The following CTTNBP2NL variants were observed in gnomAD, a reference collection of about 807,000 sequenced individuals.
The protein encoded by CTTNBP2NL is CTTNBP2 N-terminal-like protein.
In CTTNBP2NL, 16 loss-of-function variants were observed where a neutral mutation model predicts 32.5. That is an observed-to-expected ratio of 0.49 (90% CI 0.33 to 0.75). CTTNBP2NL has a LOEUF of 0.75. CTTNBP2NL is among the 30% of genes least tolerant of loss of function. CTTNBP2NL has a pLI of 0.02. For missense variants in CTTNBP2NL, 645 were observed against 756.0 expected, an observed-to-expected ratio of 0.85 and a Z score of 1.72; for synonymous variants, 298 against 289.4, an observed-to-expected ratio of 1.03 and a Z score of -0.30.
intron 3 of CTTNBP2NL, among the ~76,000 whole-genome samples, chr1:112,438,304 C>T (rs746046370): frequency 1.1e-4 from 17 of 151,942 alleles, no homozygotes; most frequent in Non-Finnish European, 1.9e-4. Context: ...CTATGTGTGG[C>T]GACTGTGAAT....
rs780245309 is a variant in CTTNBP2NL, at chr1:112,456,324, G to A, written c.832G>A (p.Glu278Lys). Residue 278 changes from glutamate (E) to lysine (K), a missense_variant, in exon 6 of 6, where the codon GAG (glutamate) becomes AAG (lysine). Coordinates refer to ENST00000271277, the MANE Select transcript of CTTNBP2NL (RefSeq NM_018704.3). ...TTTAAAGAAGATAGTGAAGGACCTA[G>A]AGGCTTCCCACCAGCACAGTAGCCC... ...ESLKKIVKDLEASHQHSSPNE... is the reference protein window; with the variant it reads ...ESLKKIVKDLKASHQHSSPNE... 5.9e-5 allele frequency: 95 copies of A among 1,613,894 alleles called. No homozygotes were observed. The Admixed American group carries it at 8.2e-4, about 14-fold the overall frequency.
intron 3 of CTTNBP2NL, among the ~76,000 whole-genome samples, chr1:112,421,990 G>A (rs1759684): frequency 0.64 from 97,648 of 151,852 alleles, 31,666 homozygotes; most frequent in South Asian, 0.71. Flanking sequence ...AGTATAATTG[G>A]CATGATAAAC....
intron 3 of CTTNBP2NL, among the ~76,000 whole-genome samples, chr1:112,425,237 G>A (rs1029108285): frequency 2.0e-5 from 3 of 152,092 alleles, no homozygotes; most frequent in African/African-American, 7.2e-5. Flanking sequence ...TTGGGAGGCT[G>A]AGGCAGGCAG....
chr1:112,459,942 T>C lies in CTTNBP2NL; in HGVS notation c.*2530T>C, dbSNP rs2101039797. 1 of 152,318 alleles carries C rather than the reference T, an allele frequency of 6.6e-6. No homozygotes were observed. Among genetic ancestry groups the C allele is most frequent in the Non-Finnish European group, 1.5e-5 (1 of 68,028 alleles). 9.4% of individuals were successfully genotyped at this position (152,318 alleles called of 1,614,324 possible). ...TGTGTATTTTTGCTAGTTGCCTACC[T>C]TCTGAGATAAATAAGCACAATCTTG... On this transcript the variant is annotated 3_prime_UTR_variant, in exon 6 of 6. Coordinates refer to ENST00000271277, the MANE Select transcript of CTTNBP2NL (RefSeq NM_018704.3).
intron 2 of CTTNBP2NL, chr1:112,415,937 TGTGA>T (rs1649046551): frequency 2.3e-6 from 1 of 437,164 alleles, no homozygotes; most frequent in African/African-American, 2.1e-5. Context: ...AATTGATCTT[TGTGA>T]GTGGTAGTGA....
chr1:112,436,747 G>T (rs1649744122), intron 3 of CTTNBP2NL, among the ~76,000 whole-genome samples: 1 of 151,990 alleles, frequency 6.6e-6, no homozygotes, highest in South Asian at 2.1e-4. Context: ...TTGTTGTACA[G>T]ATTATTTCAT....
chr1:112,410,366 G>A (rs2100997317), intron 1 of CTTNBP2NL, among the ~76,000 whole-genome samples: 1 of 150,800 alleles, frequency 6.6e-6, no homozygotes, highest in South Asian at 2.1e-4. Context: ...ACTCCAGCCT[G>A]GGCAATGAGA....
At chr1:112,414,095 G>C (rs1648983395) in intron 2 of CTTNBP2NL, among the ~76,000 whole-genome samples, 1 of 151,710 alleles carries the variant, frequency 6.6e-6, no homozygotes, top group South Asian at 2.1e-4. Flanking sequence ...GCCAGGTGTG[G>C]TGGCTCACAC....
intron 3 of CTTNBP2NL, among the ~76,000 whole-genome samples, chr1:112,434,195 GT>G (rs1649660267): frequency 6.6e-6 from 1 of 152,106 alleles, no homozygotes. Flanking sequence ...GTTTCTATGG[GT>G]TGTTAACACC....
rs769826410 is a variant in CTTNBP2NL, at chr1:112,456,594, G to T, written c.1102G>T (p.Val368Leu). ...CAGGGAGCTGACTGCAGGCAACAAT[G>T]TAGAAAACCAGGTGCCTCCACGGGA... ...TTRELTAGNN[V>L]ENQVPPREKS... Residue 368 changes from valine (V) to leucine (L), a missense_variant, in exon 6 of 6, where the codon GTA (valine) becomes TTA (leucine). By Grantham distance (32) the Val-to-Leu change is conservative (BLOSUM62 1). Coordinates refer to ENST00000271277, the MANE Select transcript of CTTNBP2NL (RefSeq NM_018704.3). 1.1e-5 allele frequency: 18 copies of T among 1,614,036 alleles called. No individual in the cohort carries two copies. The Admixed American group carries it at 2.5e-4, about 22-fold the overall frequency.
chr1:112,457,506 T>A lies in CTTNBP2NL; in HGVS notation c.*94T>A. 1 of 1,119,174 alleles carries A rather than the reference T, an allele frequency of 8.9e-7. No individual in the cohort carries two copies. The allele number at this position is 1,119,174 out of a possible 1,614,324, so 69.3% of individuals were successfully genotyped here. A position where few individuals can be genotyped will look rare whatever the true frequency, so the allele number is the denominator to read the frequency against. On this transcript the variant is annotated 3_prime_UTR_variant, in exon 6 of 6. Transcript: ENST00000271277. ...AGTCAGATTATGTTATTTATTTTGA[T>A]AGTAGCTGAAACCATCTGTATAATA...
intron 3 of CTTNBP2NL, among the ~76,000 whole-genome samples, chr1:112,440,163 C>G (rs1375193303): frequency 2.0e-5 from 3 of 152,170 alleles, no homozygotes; most frequent in Non-Finnish European, 4.4e-5. Flanking sequence ...AAATCATGCA[C>G]AAGTCCAGAA....
chr1:112,457,070 C>T lies in CTTNBP2NL; in HGVS notation c.1578C>T (p.Ser526=). The change falls in exon 6 of 6, where the codon AGC becomes AGT. Residue 526 remains serine (S), a synonymous_variant. Coordinates refer to ENST00000271277, the MANE Select transcript of CTTNBP2NL (RefSeq NM_018704.3). Reference sequence around the variant, plus strand: ...CAATCAAGCCAGTCTCTCCCAACAGCTCTCCCTTTGGCACAGACTATCGAA... The same window carrying T: ...CAATCAAGCCAGTCTCTCCCAACAGTTCTCCCTTTGGCACAGACTATCGAA... ...QGPIKPVSPN[S]SPFGTDYRNL... 6.2e-7 allele frequency: 1 copy of T among 1,614,188 alleles called. No homozygotes were observed. The highest frequency in any genetic ancestry group is 8.5e-7 in the Non-Finnish European group (1 of 1,180,042).
chr1:112,403,033 C>T (rs1648550704), intron 1 of CTTNBP2NL, among the ~76,000 whole-genome samples: 1 of 152,126 alleles, frequency 6.6e-6, no homozygotes, highest in South Asian at 2.1e-4. Flanking sequence ...GGGATTATTT[C>T]CCCTCTTACC....
chr1:112,446,455 A>AACATGGTAAAAGGGAAACATTGATG, intron 3 of CTTNBP2NL, among the ~76,000 whole-genome samples: 1 of 152,360 alleles, frequency 6.6e-6, no homozygotes, highest in East Asian at 1.9e-4. Flanking sequence ...AATTTAAAGA[A>AACATGGTAAAAGGGAAACATTGATG]ACATGGTAAA....
chr1:112,428,794 A>C (rs1408338746), intron 3 of CTTNBP2NL, among the ~76,000 whole-genome samples: 1 of 152,072 alleles, frequency 6.6e-6, no homozygotes, highest in African/African-American at 2.4e-5. Context: ...TTTTTCTTTA[A>C]ATGCTGATTA....
upstream of CTTNBP2NL, among the ~76,000 whole-genome samples, chr1:112,395,743 A>G (rs1451754237): frequency 6.8e-6 from 1 of 147,230 alleles, no homozygotes; most frequent in Non-Finnish European, 1.5e-5. Context: ...AAAAAAAAAA[A>G]GGGAGCAAGG....
chr1:112,441,566 ATACT>A (rs959976496), intron 3 of CTTNBP2NL, among the ~76,000 whole-genome samples: 30 of 152,314 alleles, frequency 2.0e-4, no homozygotes, highest in Non-Finnish European at 4.1e-4. Flanking sequence ...TTAATATTTA[ATACT>A]TACAAGTAGA....
intron 3 of CTTNBP2NL, among the ~76,000 whole-genome samples, chr1:112,433,586 C>T (rs1252832766): frequency 6.6e-6 from 1 of 152,166 alleles, no homozygotes; most frequent in African/African-American, 2.4e-5. Flanking sequence ...AGCAAGACTC[C>T]ATCTCAAAAA....
Sources: gnomAD v4.1 joint callset for allele counts (sites outside exome capture counted in the v4.1 genomes callset) on GRCh38, gnomAD v4.1.1 for gene constraint, MANE v1.5 for transcripts, NCBI Gene and HGNC (gene_info 2026-07-23, HGNC 2026-07-21) for gene names.